Variants in PTPN22 observed in about 807,000 individuals in gnomAD.
PTPN22 encodes tyrosine-protein phosphatase non-receptor type 22.
In PTPN22, 85 loss-of-function variants were observed where a neutral mutation model predicts 103.3. The observed-to-expected ratio is 0.82, with a 90% CI of 0.69 to 0.99. PTPN22 has a LOEUF of 0.99. Ranked by LOEUF, PTPN22 falls within the 50% of genes least tolerant of loss-of-function variation. The pLI, the probability that PTPN22 is intolerant of heterozygous loss-of-function variation, is 0.00. For missense variants in PTPN22, 865 were observed against 936.9 expected (o/e 0.92, Z 1.00); for synonymous variants, 323 against 310.2 (o/e 1.04, Z -0.43).
intron 1 of PTPN22, among the ~76,000 whole-genome samples, chr1:113,868,055 T>C (rs1666262386): frequency 6.6e-6 from 1 of 152,234 alleles, no homozygotes; most frequent in African/African-American, 2.4e-5. Flanking sequence ...TTGTTATGCT[T>C]TATATTTTTT....
At chr1:113,855,214 G>A (rs1664939372) in intron 7 of PTPN22, among the ~76,000 whole-genome samples, 165 bp from the exon 8 acceptor site, 1 of 152,158 alleles carries the variant, frequency 6.6e-6, no homozygotes, top group South Asian at 2.1e-4. Flanking sequence ...TAAAGTTGAG[G>A]CTGGGTGTGG....
At chr1:113,825,973 A>G (rs1308943913) in intron 18 of PTPN22, among the ~76,000 whole-genome samples, 1 of 152,046 alleles carries the variant, frequency 6.6e-6, no homozygotes, top group Non-Finnish European at 1.5e-5. Context: ...TTGGCCTTCC[A>G]AAGTGCTGGG....
chr1:113,868,288 A>G (rs1666285936), intron 1 of PTPN22, among the ~76,000 whole-genome samples: 1 of 152,140 alleles, frequency 6.6e-6, no homozygotes, highest in South Asian at 2.1e-4. Context: ...GGAAATAGAG[A>G]TGCCTTTTGA....
chr1:113,865,324 AG>A (rs1666030693), intron 1 of PTPN22, among the ~76,000 whole-genome samples: 1 of 152,250 alleles, frequency 6.6e-6, no homozygotes, highest in African/African-American at 2.4e-5. Context: ...TCAGAAAAAA[AG>A]TCATGATTTT....
At chr1:113,846,772 A>G (rs528213285) in intron 11 of PTPN22, among the ~76,000 whole-genome samples, 38 of 152,250 alleles carry the variant, frequency 2.5e-4, no homozygotes, top group Non-Finnish European at 4.4e-4. Flanking sequence ...CTTGGAAAAT[A>G]TTGTGCCACT....
At chr1:113,823,712 C>G (rs1661809668) in intron 19 of PTPN22, among the ~76,000 whole-genome samples, 1 of 152,226 alleles carries the variant, frequency 6.6e-6, no homozygotes, top group Non-Finnish European at 1.5e-5. Context: ...TCAAACCAAT[C>G]TTTGGTTAAC....
chr1:113,855,979 A>G (rs900844375), intron 7 of PTPN22, among the ~76,000 whole-genome samples: 2 of 152,170 alleles, frequency 1.3e-5, no homozygotes, highest in African/African-American at 4.8e-5. Context: ...CATGGTATAG[A>G]ATAGATTGAA....
chr1:113,835,093 A>G, intron 13 of PTPN22, 100 bp from the exon 14 acceptor site: 1 of 647,846 alleles, frequency 1.5e-6, no homozygotes, highest in Non-Finnish European at 2.3e-6. Flanking sequence ...CATAATTTAT[A>G]TTTAAATTCC....
intron 11 of PTPN22, among the ~76,000 whole-genome samples, chr1:113,845,195 TTTTTG>T (rs1663940766): frequency 6.9e-6 from 1 of 145,652 alleles, no homozygotes; most frequent in Non-Finnish European, 1.5e-5. Flanking sequence ...TTTGTTTTTG[TTTTTG>T]TTTTTTTTTT....
At position 113,848,636 on chromosome 1, in the gene PTPN22, A is replaced by T; in HGVS notation, c.829-10T>A. The T allele has an allele frequency of 3.1e-6, 5 of 1,605,592 alleles. No homozygotes were observed. The highest frequency in any genetic ancestry group is 4.2e-6 in the Non-Finnish European group (5 of 1,177,978). ...CCAGTTCATATTGTTCCTGAAGAGC[A>T]TCACAACCCAGAACAAATGAAAACA... On this transcript the variant is annotated splice_polypyrimidine_tract_variant and intron_variant, in intron 10 of 20. Coordinates refer to ENST00000359785, the Ensembl canonical transcript of PTPN22.
exon 21 of PTPN22, chr1:113,814,913 T>C (rs1172150453): frequency 6.2e-7 from 1 of 1,605,384 alleles, no homozygotes; most frequent in South Asian, 1.1e-5. Flanking sequence ...TATTAAATAT[T>C]CCAAGTTGGT....
chr1:113,829,527 G>T, intron 18 of PTPN22, 65 bp downstream of exon 18: 2 of 792,742 alleles, frequency 2.5e-6, no homozygotes, highest in East Asian at 2.6e-5. Context: ...TTAATGCTGG[G>T]GAGGGGGAAA....
chr1:113,851,100 A>G (rs1664526685), intron 10 of PTPN22, among the ~76,000 whole-genome samples: 1 of 152,064 alleles, frequency 6.6e-6, no homozygotes, highest in Admixed American at 6.6e-5. Flanking sequence ...GTGAACAAGT[A>G]TGGGTATTCT....
chr1:113,814,944 G>A, exon 21 of PTPN22: 1 of 1,606,702 alleles, frequency 6.2e-7, no homozygotes, highest in Non-Finnish European at 8.5e-7. Flanking sequence ...TTGGTCCTTT[G>A]GGTTTTGAAA....
intron 1 of PTPN22, among the ~76,000 whole-genome samples, chr1:113,869,261 G>A (rs913618118): frequency 4.6e-5 from 7 of 152,190 alleles, no homozygotes; most frequent in Non-Finnish European, 8.8e-5. Context: ...GATCACTTGG[G>A]TGTTGAACTG....
chr1:113,850,394 T>C (rs1664481874), intron 10 of PTPN22, among the ~76,000 whole-genome samples: 1 of 152,254 alleles, frequency 6.6e-6, no homozygotes, highest in South Asian at 2.1e-4. Flanking sequence ...AGTTGTTTGA[T>C]AATGCCAAAA....
intron 1 of PTPN22, among the ~76,000 whole-genome samples, chr1:113,866,710 T>C (rs984290525): frequency 5.3e-5 from 8 of 152,172 alleles, no homozygotes; most frequent in Admixed American, 1.3e-4. Context: ...TTTACATAAA[T>C]GGACAAGAAC....
chr1:113,818,630 C>T (rs1057091034), intron 20 of PTPN22, among the ~76,000 whole-genome samples: 2 of 152,202 alleles, frequency 1.3e-5, no homozygotes, highest in African/African-American at 4.8e-5. Context: ...TTCTTTGCTT[C>T]TTCCTCAAAT....
chr1:113,819,750 T>A (rs1243264179), intron 19 of PTPN22, 96 bp from the exon 20 acceptor site: 2 of 726,602 alleles, frequency 2.8e-6, no homozygotes, highest in Admixed American at 6.5e-5. Flanking sequence ...TAATTAATAA[T>A]CCCAAATAAA....
Sources: gnomAD v4.1 joint callset for allele counts (sites outside exome capture counted in the v4.1 genomes callset) on GRCh38, gnomAD v4.1.1 for gene constraint, MANE v1.5 for transcripts, NCBI Gene and HGNC (gene_info 2026-07-23, HGNC 2026-07-21) for gene names.